Variants in PRICKLE4 observed in about 807,000 individuals in gnomAD.
PRICKLE4 encodes prickle-like protein 4.
PRICKLE4 carries 40 observed loss-of-function variants against 43.5 expected under a neutral mutation model. That is an observed-to-expected ratio of 0.92 (90% CI 0.71 to 1.20). The LOEUF is 1.20. Among genes scored for constraint, PRICKLE4 ranks in the 50% most tolerant of loss-of-function variants. The pLI, the probability that PRICKLE4 is intolerant of heterozygous loss-of-function variation, is 0.00. For synonymous variants in PRICKLE4, 208 were observed against 197.4 expected (o/e 1.05, Z -0.45); for missense variants, 527 against 491.2 (o/e 1.07, Z -0.69).
chr6:41,786,694 C>A (rs750356904), intron 7 of PRICKLE4, 68 bp from the exon 8 acceptor site: 1 of 1,607,242 alleles, frequency 6.2e-7, no homozygotes, highest in Admixed American at 1.7e-5. Context: ...GGCCTCACCC[C>A]CACTAGCTGC....
intron 7 of PRICKLE4, 127 bp downstream of exon 7, chr6:41,786,459 C>T: frequency 8.4e-7 from 1 of 1,189,556 alleles, no homozygotes; most frequent in South Asian, 1.3e-5. Flanking sequence ...CACCGCACCC[C>T]CCAGACCCAA....
At chr6:41,783,249 A>G (rs1345521152) in intron 2 of PRICKLE4, among the ~76,000 whole-genome samples, 1 of 152,156 alleles carries the variant, frequency 6.6e-6, no homozygotes, top group Non-Finnish European at 1.5e-5. Context: ...CCTGACCTCA[A>G]GTCCTGGCTC....
chr6:41,785,611 C>T lies in PRICKLE4; in HGVS notation c.582+71C>T, dbSNP rs1031122359. The T allele has an allele frequency of 2.1e-6, 3 of 1,461,132 alleles. No homozygotes were observed. The Admixed American group carries it at 5.5e-5, about 27-fold the overall frequency. The allele number at this position is 1,461,132 out of a possible 1,614,324, so 90.5% of individuals were successfully genotyped here. A position where few individuals can be genotyped will look rare whatever the true frequency, so the allele number is the denominator to read the frequency against. On this transcript the variant is annotated intron_variant, in intron 6 of 7. Coordinates refer to ENST00000458694, the MANE Select transcript of PRICKLE4 (RefSeq NM_013397.6). ...GTGGCAGGATACAAAGGGACACTCT[C>T]CTGGGCCACAGTTTCTCCCAGTATC...
chr6:41,784,984 T>G lies in PRICKLE4; in HGVS notation c.290T>G (p.Leu97Arg). Reference protein sequence around the residue: ...LGEEERAELQLFCARRKQEAL... With the variant: ...LGEEERAELQRFCARRKQEAL... ...GAGGAGGAGCGGGCCGAGCTGCAGCTCTTCTGTGCCAGGCGGAAGCAGGAA... is the reference window on the plus strand; with the variant it reads ...GAGGAGGAGCGGGCCGAGCTGCAGCGCTTCTGTGCCAGGCGGAAGCAGGAA... Residue 97 changes from leucine to arginine, a missense_variant, in exon 5 of 8, where the codon CTC (leucine) becomes CGC (arginine). Transcript: ENST00000458694. 6.2e-7 allele frequency: 1 copy of G among 1,613,834 alleles called. No homozygotes were observed. The highest frequency in any genetic ancestry group is 8.5e-7 in the Non-Finnish European group (1 of 1,179,924).
At position 41,787,247 on chromosome 6, in the gene PRICKLE4, G is replaced by C. The variant is rs1772680941; in HGVS notation, c.*118G>C. 7.1e-7 allele frequency: 1 copy of C among 1,399,632 alleles called. No homozygotes were observed. The highest frequency in any genetic ancestry group is 9.4e-7 in the Non-Finnish European group (1 of 1,063,866). The allele number at this position is 1,399,632 out of a possible 1,614,324, so 86.7% of individuals were successfully genotyped here. A position where few individuals can be genotyped will look rare whatever the true frequency, so the allele number is the denominator to read the frequency against. On this transcript the variant is annotated 3_prime_UTR_variant, in exon 8 of 8. Transcript: ENST00000458694. The stretch of plus-strand genomic sequence containing the variant: ...GACGCAGTCAGGCGCACGCCCGCAA[G>C]AGGCGGCGAGGTGACAAGTTTGGAG...
intron 7 of PRICKLE4, 31 bp from the exon 8 acceptor site, chr6:41,786,731 A>G (rs199910092): frequency 1.1e-5 from 18 of 1,612,274 alleles, no homozygotes; most frequent in Non-Finnish European, 1.4e-5. Flanking sequence ...CGCGGCTCTG[A>G]GACCAGCGTT....
chr6:41,785,834 C>T (rs1345347837), intron 6 of PRICKLE4, among the ~76,000 whole-genome samples: 1 of 152,142 alleles, frequency 6.6e-6, no homozygotes, highest in African/African-American at 2.4e-5. Flanking sequence ...ATGCCGAGTG[C>T]CCAGTGCTGT....
At position 41,787,026 on chromosome 6, in the gene PRICKLE4, A is replaced by T. The variant is rs1451168799; in HGVS notation, c.1052A>T (p.Glu351Val). The T allele has an allele frequency of 6.2e-7, 1 of 1,613,974 alleles. No individual in the cohort carries two copies. The change falls in exon 8 of 8, where the codon GAA (glutamate) becomes GTA (valine). Residue 351 changes from glutamate (E) to valine (V), a missense_variant. Physicochemically the swap from Glu to Val is moderately radical, Grantham distance 121. Transcript: ENST00000458694. ...TCCTCCTCCTCTGACTCGGAACCTGAAGGATTTTTCTTAGGCGAGCGCCTT... is the reference window on the plus strand; with the variant it reads ...TCCTCCTCCTCTGACTCGGAACCTGTAGGATTTTTCTTAGGCGAGCGCCTT... ...TCSSSSDSEP[E>V]GFFLGERLPQ...
At position 41,786,252 on chromosome 6, in the gene PRICKLE4, G is replaced by A; in HGVS notation, c.707G>A (p.Cys236Tyr). The change falls in exon 7 of 8, where the codon TGC (cysteine) becomes TAC (tyrosine). Residue 236 changes from cysteine to tyrosine, a missense_variant. Physicochemically the swap from Cys to Tyr is radical, Grantham distance 194. Coordinates refer to ENST00000458694, the MANE Select transcript of PRICKLE4 (RefSeq NM_013397.6). ...TATGCCCTGCCTGGGGGAAGCCCCT[G>A]CTGCCCCAGCTGCTTCGAGAACCGC... ...GRYALPGGSP[C>Y]CPSCFENRYS... 6.2e-7 allele frequency: 1 copy of A among 1,600,366 alleles called. No individual in the cohort carries two copies. Among genetic ancestry groups the A allele is most frequent in the African/African-American group, 1.3e-5 (1 of 74,750 alleles).
rs1436856392 is a variant in PRICKLE4, at chr6:41,785,368, G to A, written c.410G>A (p.Gly137Glu). The A allele has an allele frequency of 3.7e-6, 6 of 1,613,892 alleles. No individual in the cohort carries two copies. The highest frequency in any genetic ancestry group is 3.4e-6 in the Non-Finnish European group (4 of 1,180,010). Residue 137 changes from glycine to glutamate, a missense_variant, in exon 6 of 8, where the codon GGA (glycine) becomes GAA (glutamate). Transcript: ENST00000458694. Reference sequence around the variant, plus strand: ...GAGCTGCTGAAGCCAGGGGAGTACGGAGTGTTTGCAGCCCGGGCAGGGGAA... The same window carrying A: ...GAGCTGCTGAAGCCAGGGGAGTACGAAGTGTTTGCAGCCCGGGCAGGGGAA... ...CRELLKPGEY[G>E]VFAARAGEQR...
In PRICKLE4 at chr6:41,783,595, C is replaced by A. The variant is rs1023081633; in HGVS notation, c.122C>A (p.Thr41Asn). 6.2e-7 allele frequency: 1 copy of A among 1,613,358 alleles called. No individual in the cohort carries two copies. The highest frequency in any genetic ancestry group is 1.7e-5 in the Admixed American group (1 of 59,902). ...CTGCCGGGGGAGGACCCTGAGGATA[C>A]CCATGCTCAGGTAGTAGAGTCGTGC... ...GHLPGEDPED[T>N]HAQGPAVLSL... The change falls in exon 3 of 8, where the codon ACC (threonine) becomes AAC (asparagine). Residue 41 changes from threonine to asparagine, a missense_variant. By Grantham distance (65) the Thr-to-Asn change is moderately conservative (BLOSUM62 0). Transcript: ENST00000458694.
At position 41,783,749 on chromosome 6, in the gene PRICKLE4, C is replaced by T. The variant is rs538409858; in HGVS notation, c.132+144C>T. The T allele has an allele frequency of 1.5e-3, 1,672 of 1,143,426 alleles. 25 individuals are homozygous for T. The South Asian group carries it at 0.017, about 12-fold the overall frequency. 70.8% of individuals were successfully genotyped at this position (1,143,426 alleles called of 1,614,324 possible). A position where few individuals can be genotyped will look rare whatever the true frequency, so the allele number is the denominator to read the frequency against. Reference sequence around the variant, plus strand: ...CTCTTTTCAGGAATTCCTGTCTCTGCACCTGCTTAGAACATGGGGTTTTGA... The same window carrying T: ...CTCTTTTCAGGAATTCCTGTCTCTGTACCTGCTTAGAACATGGGGTTTTGA... On this transcript the variant is annotated intron_variant, in intron 3 of 7. Coordinates refer to ENST00000458694, the MANE Select transcript of PRICKLE4 (RefSeq NM_013397.6).
chr6:41,784,808 T>C, intron 4 of PRICKLE4, 127 bp from the exon 5 acceptor site: 1 of 1,201,964 alleles, frequency 8.3e-7, no homozygotes, highest in South Asian at 1.4e-5. Flanking sequence ...TATGCCATTA[T>C]CTCTGGCATC....
intron 2 of PRICKLE4, 81 bp from the exon 3 acceptor site, chr6:41,783,378 AAAT>A (rs891121949): frequency 8.4e-5 from 112 of 1,331,664 alleles, no homozygotes; most frequent in Non-Finnish European, 1.1e-4. Flanking sequence ...GGACTGAGGG[AAAT>A]AATATCTATA....
At position 41,783,540 on chromosome 6, in the gene PRICKLE4, C is replaced by A; in HGVS notation, c.67C>A (p.Pro23Thr). The A allele has an allele frequency of 1.9e-6, 3 of 1,611,716 alleles. No individual in the cohort carries two copies. Among genetic ancestry groups the A allele is most frequent in the Non-Finnish European group, 1.7e-6 (2 of 1,178,034 alleles). The change falls in exon 3 of 8, where the codon CCA (proline) becomes ACA (threonine). Residue 23 changes from proline to threonine, a missense_variant. Physicochemically the swap from Pro to Thr is conservative, Grantham distance 38. Coordinates refer to ENST00000458694, the MANE Select transcript of PRICKLE4 (RefSeq NM_013397.6). ...DSPKPQDPGP[P>T]ANSDSDSGHL... ...CCCCAAGCCCCAGGATCCAGGTCCA[C>A]CAGCCAACTCAGACAGTGACTCAGG...
chr6:41,785,364 T>A lies in PRICKLE4; in HGVS notation c.406T>A (p.Tyr136Asn), dbSNP rs1772623907. The A allele has an allele frequency of 1.2e-6, 2 of 1,613,744 alleles. No individual in the cohort carries two copies. Among genetic ancestry groups the A allele is most frequent in the Non-Finnish European group, 1.7e-6 (2 of 1,179,968 alleles). The change falls in exon 6 of 8, where the codon TAC (tyrosine) becomes AAC (asparagine). Residue 136 changes from tyrosine to asparagine, a missense_variant. Tyr to Asn is a moderately radical substitution (Grantham distance 143). Coordinates refer to ENST00000458694, the MANE Select transcript of PRICKLE4 (RefSeq NM_013397.6). ...KCRELLKPGEYGVFAARAGEQ... is the reference protein window; with the variant it reads ...KCRELLKPGENGVFAARAGEQ... ...TAGGGAGCTGCTGAAGCCAGGGGAG[T>A]ACGGAGTGTTTGCAGCCCGGGCAGG...
intron 3 of PRICKLE4, 71 bp downstream of exon 3, chr6:41,783,676 C>G: frequency 6.2e-7 from 1 of 1,607,944 alleles, no homozygotes; most frequent in Non-Finnish European, 8.5e-7. Context: ...CCTTTTCCAC[C>G]AACCCGGAGG....
At chr6:41,782,383 CTTCTT>C (rs1370355666) in intron 2 of PRICKLE4, among the ~76,000 whole-genome samples, 2 of 70,426 alleles carry the variant, frequency 2.8e-5, no homozygotes, top group African/African-American at 1.1e-4. Context: ...ATGGTCACTT[CTTCTT>C]TTTTTTTTTT....
At chr6:41,783,740 C>T in intron 3 of PRICKLE4, 135 bp downstream of exon 3, 1 of 1,276,156 alleles carries the variant, frequency 7.8e-7, no homozygotes, top group East Asian at 2.4e-5. Context: ...TCAGGAATTC[C>T]TGTCTCTGCA....
Sources: gnomAD v4.1 joint callset for allele counts (sites outside exome capture counted in the v4.1 genomes callset) on GRCh38, gnomAD v4.1.1 for gene constraint, MANE v1.5 for transcripts, NCBI Gene and HGNC (gene_info 2026-07-23, HGNC 2026-07-21) for gene names.